The following MRPL48 variants were observed in gnomAD, a reference collection of about 807,000 sequenced individuals.
MRPL48 encodes the protein mitochondrial ribosomal protein L48.
Under a neutral mutation model 32.9 loss-of-function variants are expected in MRPL48, and 16 were observed. The observed-to-expected ratio is 0.49, with a 90% confidence interval of 0.33 to 0.74. The LOEUF (loss-of-function observed/expected upper bound fraction) is 0.74, where lower values mean the gene tolerates loss of function less well. Ranked by LOEUF, MRPL48 falls within the 30% of genes least tolerant of loss-of-function variation. The probability of loss-of-function intolerance (pLI) is 0.02; values close to 1 mark genes in which losing one functional copy is unlikely to be tolerated. For missense variants in MRPL48, 206 were observed against 245.3 expected, an observed-to-expected ratio of 0.84 and a Z score of 1.07; for synonymous variants, 94 against 89.2, an observed-to-expected ratio of 1.05 and a Z score of -0.31.
In MRPL48 at chr11:73,793,064, GTATT is replaced by G. The variant is rs561406290; in HGVS notation, c.21+5086_21+5089del. Among the ~76,000 whole-genome samples, 14 of 152,176 alleles carry G rather than the reference GTATT, an allele frequency of 9.2e-5. No individual in the cohort carries two copies. In the South Asian group the frequency reaches 2.9e-3, roughly 32 times the overall value. On this transcript the variant is annotated intron_variant, in intron 1 of 7. Coordinates refer to ENST00000310614, the MANE Select transcript of MRPL48 (RefSeq NM_016055.6). ...AGGTTCCTGTCTTCATGGTGCTTAT[GTATT>G]TATTTATTTATTTTGAGATGGAGTT...
intron 3 of MRPL48, among the ~76,000 whole-genome samples, chr11:73,812,529 T>C (rs946789235): frequency 6.6e-6 from 1 of 151,820 alleles, no homozygotes; most frequent in African/African-American, 2.4e-5. Flanking sequence ...CGGCCCAAAC[T>C]GGGTTTTATA....
intron 4 of MRPL48, among the ~76,000 whole-genome samples, chr11:73,828,658 A>C (rs1947942720): frequency 6.6e-6 from 1 of 152,136 alleles, no homozygotes; most frequent in South Asian, 2.1e-4. Flanking sequence ...GAAGATACAA[A>C]GCGCTATTAA....
intron 3 of MRPL48, among the ~76,000 whole-genome samples, chr11:73,825,284 A>ATATGTGTGTG (rs146232365): frequency 0.021 from 2,960 of 139,818 alleles, 29 homozygotes; most frequent in South Asian, 0.03. Context: ...TTTTTTATAT[A>ATATGTGTGTG]TGTGTGTGTG....
chr11:73,816,486 A>G (rs895624800), intron 3 of MRPL48, among the ~76,000 whole-genome samples: 1 of 151,436 alleles, frequency 6.6e-6, no homozygotes, highest in Non-Finnish European at 1.5e-5. Context: ...TATTTTTGAG[A>G]TGGAGTTTTG....
At chr11:73,816,350 G>A (rs1457340528) in intron 3 of MRPL48, among the ~76,000 whole-genome samples, 3 of 119,890 alleles carry the variant, frequency 2.5e-5, no homozygotes, top group Non-Finnish European at 5.5e-5. Flanking sequence ...GTGAGCCACC[G>A]TGCCCGGCCG....
Position 73,864,722 on chromosome 11 carries a change from C to A in MRPL48, c.*352C>A. On this transcript the variant is annotated 3_prime_UTR_variant, in exon 8 of 8. Transcript: ENST00000310614. ...CTGTAATCCCAGCACTTTGCGAGGC[C>A]GAGGCAGGAGGACTGCTCGAGGCCA... 4.0e-6 allele frequency: 1 copy of A among 248,986 alleles called. No individual in the cohort carries two copies. Among genetic ancestry groups the A allele is most frequent in the Non-Finnish European group, 7.9e-6 (1 of 127,312 alleles). 15.4% of individuals were successfully genotyped at this position (248,986 alleles called of 1,614,324 possible).
intron 1 of MRPL48, among the ~76,000 whole-genome samples, chr11:73,804,016 T>G (rs1590938602): frequency 1.3e-5 from 2 of 151,816 alleles, no homozygotes; most frequent in Admixed American, 6.6e-5. Context: ...GCCTCCTGGG[T>G]TCAAGGGATT....
chr11:73,790,697 T>C (rs1947135041), intron 1 of MRPL48, among the ~76,000 whole-genome samples: 1 of 151,716 alleles, frequency 6.6e-6, no homozygotes, highest in South Asian at 2.1e-4. Flanking sequence ...CAGCTAATTT[T>C]TTTATTTTTA....
rs144105148 is a variant in MRPL48, at chr11:73,820,352, G to C, written c.113-5356G>C. ...TGATTCTCCTGCCTCAGCTTCCTGA[G>C]TAGCAGGGACTACAGGCATGTACCA... On this transcript the variant is annotated intron_variant, in intron 3 of 7. Transcript: ENST00000310614. 1.1e-3 allele frequency among the ~76,000 whole-genome samples: 165 copies of C among 152,274 alleles called. 1 individual carries two copies. The East Asian group carries it at 0.012, about 11-fold the overall frequency.
intron 5 of MRPL48, among the ~76,000 whole-genome samples, chr11:73,846,693 G>C (rs1376108060): frequency 2.0e-5 from 3 of 149,142 alleles, no homozygotes; most frequent in Admixed American, 6.7e-5. Context: ...TAGAGACATG[G>C]TCTCTCTCTC....
At chr11:73,825,239 C>T (rs370846015) in intron 3 of MRPL48, among the ~76,000 whole-genome samples, 3 of 147,166 alleles carry the variant, frequency 2.0e-5, no homozygotes, top group African/African-American at 7.6e-5. Context: ...GAAAGATCTC[C>T]GAGATTACTT....
intron 2 of MRPL48, 107 bp from the exon 3 acceptor site, chr11:73,808,206 G>A: frequency 8.9e-7 from 1 of 1,126,008 alleles, no homozygotes; most frequent in Non-Finnish European, 1.3e-6. Flanking sequence ...GAAGGAGTAA[G>A]GAAACAGCAT....
At chr11:73,805,357 C>G (rs550316633) in intron 2 of MRPL48, among the ~76,000 whole-genome samples, 2 of 150,034 alleles carry the variant, frequency 1.3e-5, no homozygotes, top group Non-Finnish European at 3.0e-5. Flanking sequence ...AGTGCAGTGG[C>G]GTGATCTTGG....
At chr11:73,839,937 A>G (rs2135043247) in intron 4 of MRPL48, among the ~76,000 whole-genome samples, 1 of 151,924 alleles carries the variant, frequency 6.6e-6, no homozygotes, top group African/African-American at 2.4e-5. Context: ...ATCTCTATGA[A>G]AAATTTTAAA....
At chr11:73,792,213 G>A (rs992035774) in intron 1 of MRPL48, among the ~76,000 whole-genome samples, 1 of 152,248 alleles carries the variant, frequency 6.6e-6, no homozygotes, top group Non-Finnish European at 1.5e-5. Flanking sequence ...TGATGATCAT[G>A]ATGGCAGGAT....
At chr11:73,855,685 G>A (rs747396113) in intron 5 of MRPL48, among the ~76,000 whole-genome samples, 3 of 151,926 alleles carry the variant, frequency 2.0e-5, no homozygotes, top group Admixed American at 2.0e-4. Context: ...ACGGGGTTTC[G>A]CCATCTTGGC....
chr11:73,822,663 C>T (rs1201404725), intron 3 of MRPL48, among the ~76,000 whole-genome samples: 1 of 152,138 alleles, frequency 6.6e-6, no homozygotes, highest in Non-Finnish European at 1.5e-5. Context: ...TTTTAGAAAA[C>T]AGAGGCCTAA....
chr11:73,800,749 G>A (rs542779658), intron 1 of MRPL48, among the ~76,000 whole-genome samples: 5 of 151,966 alleles, frequency 3.3e-5, no homozygotes, highest in South Asian at 4.1e-4. Context: ...AGAGCTGACC[G>A]GGAGAGTTCA....
At chr11:73,840,350 T>G (rs1288995695) in intron 4 of MRPL48, among the ~76,000 whole-genome samples, 1 of 152,050 alleles carries the variant, frequency 6.6e-6, no homozygotes, top group Non-Finnish European at 1.5e-5. Flanking sequence ...AAAAATTAGC[T>G]GGGCATAATG....
Sources: gnomAD v4.1 joint callset for allele counts (sites outside exome capture counted in the v4.1 genomes callset) on GRCh38, gnomAD v4.1.1 for gene constraint, MANE v1.5 for transcripts, NCBI Gene and HGNC (gene_info 2026-07-23, HGNC 2026-07-21) for gene names.